Variants in PPP1R37 observed in about 807,000 individuals in gnomAD.
The protein encoded by PPP1R37 is protein phosphatase 1 regulatory subunit 37.
Under a neutral mutation model 61.0 loss-of-function variants are expected in PPP1R37, and 21 were observed. That is an observed-to-expected ratio of 0.34 (90% CI 0.24 to 0.50). The LOEUF (loss-of-function observed/expected upper bound fraction) is 0.50, where lower values mean the gene tolerates loss of function less well. Ranked by LOEUF, PPP1R37 falls within the 20% of genes least tolerant of loss-of-function variation. The pLI is 0.98. For missense variants in PPP1R37, 910 were observed against 952.7 expected, an observed-to-expected ratio of 0.96 and a Z score of 0.59; for synonymous variants, 443 against 433.5, an observed-to-expected ratio of 1.02 and a Z score of -0.27.
intron 1 of PPP1R37, among the ~76,000 whole-genome samples, chr19:45,120,828 G>A (rs1599700416): frequency 6.6e-6 from 1 of 152,098 alleles, no homozygotes; most frequent in African/African-American, 2.4e-5. Flanking sequence ...TGGCCAGGCT[G>A]GTCTCCAACT....
intron 1 of PPP1R37, among the ~76,000 whole-genome samples, chr19:45,129,279 G>C (rs111998044): frequency 3.9e-5 from 6 of 152,080 alleles, no homozygotes; most frequent in East Asian, 1.9e-4. Context: ...GCCCTGGTTG[G>C]GGGGAGACGG....
At chr19:45,115,335 A>G (rs991110684) in intron 1 of PPP1R37, among the ~76,000 whole-genome samples, 10 of 152,314 alleles carry the variant, frequency 6.6e-5, no homozygotes, top group Admixed American at 3.9e-4. Context: ...GGGTCCACCA[A>G]CCAGATGAAG....
At chr19:45,096,144 A>G (rs1967990544) in intron 1 of PPP1R37, among the ~76,000 whole-genome samples, 1 of 152,136 alleles carries the variant, frequency 6.6e-6, no homozygotes, top group African/African-American at 2.4e-5. Flanking sequence ...AGTGTTGGTC[A>G]TCTTGGGCTG....
chr19:45,108,076 A>G (rs1284221686), intron 1 of PPP1R37, among the ~76,000 whole-genome samples: 2 of 152,208 alleles, frequency 1.3e-5, no homozygotes, highest in African/African-American at 4.8e-5. Flanking sequence ...GGGAAGGAAC[A>G]TTGGAAGTCT....
At chr19:45,095,002 A>G (rs1967974122) in intron 1 of PPP1R37, among the ~76,000 whole-genome samples, 1 of 152,160 alleles carries the variant, frequency 6.6e-6, no homozygotes. Flanking sequence ...GGAGCCCATG[A>G]AGTGAGGGAT....
chr19:45,146,269 G>T, intron 11 of PPP1R37, 121 bp from the exon 12 acceptor site: 1 of 993,206 alleles, frequency 1.0e-6, no homozygotes, highest in Non-Finnish European at 1.5e-6. Flanking sequence ...CCTTGAGCCT[G>T]ACCATCTCAG....
chr19:45,120,223 T>G (rs538665814), intron 1 of PPP1R37, among the ~76,000 whole-genome samples: 1 of 152,094 alleles, frequency 6.6e-6, no homozygotes, highest in Non-Finnish European at 1.5e-5. Context: ...TTCACTGTGT[T>G]AGCCAGGATG....
chr19:45,101,070 TG>T (rs143336154), intron 1 of PPP1R37, among the ~76,000 whole-genome samples: 3,167 of 152,244 alleles, frequency 0.021, 83 homozygotes, highest in African/African-American at 0.063. Context: ...CATGCTTCTG[TG>T]GGGGTCACAG....
intron 1 of PPP1R37, among the ~76,000 whole-genome samples, chr19:45,120,504 GT>G (rs1968328926): frequency 6.6e-6 from 1 of 152,240 alleles, no homozygotes; most frequent in Non-Finnish European, 1.5e-5. Flanking sequence ...GGATATTGTG[GT>G]TGGTTCCGGT....
intron 1 of PPP1R37, among the ~76,000 whole-genome samples, chr19:45,111,859 T>A (rs539238848): frequency 1.3e-5 from 2 of 152,110 alleles, no homozygotes; most frequent in Non-Finnish European, 2.9e-5. Flanking sequence ...TTTTAAAAGT[T>A]TTATCAACCA....
At chr19:45,100,796 G>A (rs1968053397) in intron 1 of PPP1R37, among the ~76,000 whole-genome samples, 1 of 152,168 alleles carries the variant, frequency 6.6e-6, no homozygotes, top group Non-Finnish European at 1.5e-5. Context: ...GCCTTGGTGG[G>A]CACGCAGGAG....
intron 1 of PPP1R37, among the ~76,000 whole-genome samples, chr19:45,100,800 G>C (rs546986343): frequency 1.3e-5 from 2 of 152,294 alleles, no homozygotes; most frequent in East Asian, 3.9e-4. Flanking sequence ...TGGTGGGCAC[G>C]CAGGAGGGGG....
intron 1 of PPP1R37, among the ~76,000 whole-genome samples, chr19:45,110,426 C>A (rs79769273): frequency 0.011 from 1,661 of 152,202 alleles, 16 homozygotes; most frequent in Non-Finnish European, 0.019. Context: ...ACATTTCTTA[C>A]TTTTACTCAT....
intron 1 of PPP1R37, among the ~76,000 whole-genome samples, chr19:45,116,634 C>T (rs548511405): frequency 5.9e-5 from 9 of 152,308 alleles, no homozygotes; most frequent in African/African-American, 9.6e-5. Flanking sequence ...CCCTCCAGCC[C>T]GTGGTTCTCT....
At chr19:45,109,849 G>A (rs773670736) in intron 1 of PPP1R37, among the ~76,000 whole-genome samples, 4 of 152,074 alleles carry the variant, frequency 2.6e-5, no homozygotes, top group African/African-American at 4.8e-5. Flanking sequence ...AGGATCTGTC[G>A]CCCACCTGCA....
At chr19:45,146,324 G>A (rs1461480915) in intron 11 of PPP1R37, 66 bp from the exon 12 acceptor site, 11 of 1,434,208 alleles carry the variant, frequency 7.7e-6, no homozygotes, top group Middle Eastern at 1.9e-4. Context: ...GGCTGGGGCC[G>A]GGCTGGGGAC....
At chr19:45,129,004 C>A in intron 1 of PPP1R37, 1 of 835,682 alleles carries the variant, frequency 1.2e-6, no homozygotes, top group Non-Finnish European at 2.0e-6. Context: ...GAGGAGGCAG[C>A]TGTTGCAGTC....
At position 45,127,990 on chromosome 19, in the gene PPP1R37, A is replaced by T. The variant is rs146246918; in HGVS notation, c.203-10524A>T. ...ACTCCATCTCAAAAAAAAAAAAAAAAAAAGATAAATGTTTGAGGTGATATG... is the reference window on the plus strand; with the variant it reads ...ACTCCATCTCAAAAAAAAAAAAAAATAAAGATAAATGTTTGAGGTGATATG... On this transcript the variant is annotated intron_variant, in intron 1 of 12. Transcript: ENST00000221462. 6.6e-3 allele frequency among the ~76,000 whole-genome samples: 998 copies of T among 152,038 alleles called. 4 individuals carry two copies. Among genetic ancestry groups the T allele is most frequent in the South Asian group, 0.026 (124 of 4,824 alleles).
intron 1 of PPP1R37, chr19:45,128,680 G>T: frequency 8.4e-7 from 1 of 1,192,718 alleles, no homozygotes. Context: ...GGCTGGCCCT[G>T]TAAGGTCTTT....
Sources: gnomAD v4.1 joint callset for allele counts (sites outside exome capture counted in the v4.1 genomes callset) on GRCh38, gnomAD v4.1.1 for gene constraint, MANE v1.5 for transcripts, NCBI Gene and HGNC (gene_info 2026-07-23, HGNC 2026-07-21) for gene names.